Variants in TEX9 observed in about 807,000 individuals in gnomAD.
TEX9 encodes testis expressed 9.
In TEX9, 74 loss-of-function variants were observed where a neutral mutation model predicts 59.6. The observed-to-expected ratio is 1.24, with a 90% CI of 1.03 to 1.51. The LOEUF (loss-of-function observed/expected upper bound fraction) is 1.51. TEX9 is among the 40% of genes most tolerant of loss of function. The probability of loss-of-function intolerance (pLI) is 0.00; values close to 1 mark genes in which losing one functional copy is unlikely to be tolerated. For missense variants in TEX9, 522 were observed against 447.8 expected (o/e 1.17, Z -1.49); for synonymous variants, 186 against 152.2 (o/e 1.22, Z -1.64).
chr15:56,396,430 A>G lies in TEX9; in HGVS notation c.828+1596A>G, dbSNP rs535091100. On this transcript the variant is annotated intron_variant, in intron 9 of 12. Coordinates refer to ENST00000352903, the Ensembl canonical transcript of TEX9. ...ATAGAACAGTTCCATCAGCCCCCCA[A>G]AATTCCCTGTGAATTTAGTGAAGGC... The G allele has an allele frequency of 2.6e-5, 4 of 152,220 alleles. No homozygotes were observed. In the East Asian group the frequency reaches 5.8e-4, roughly 22 times the overall value. 9.4% of individuals were successfully genotyped at this position (152,220 alleles called of 1,614,324 possible).
At chr15:56,308,938 T>C (rs1473390352) in intron 1 of TEX9, among the ~76,000 whole-genome samples, 5 of 152,200 alleles carry the variant, frequency 3.3e-5, no homozygotes, top group African/African-American at 1.2e-4. Flanking sequence ...TACTGCACTA[T>C]CATTAGTGTG....
chr15:56,394,900 T>C (rs1023919919), intron 9 of TEX9, 66 bp downstream of exon 9: 1 of 1,444,924 alleles, frequency 6.9e-7, no homozygotes, highest in Non-Finnish European at 9.4e-7. Context: ...GGTTACACAT[T>C]TGTATAGATG....
At chr15:56,409,150 T>C (rs957647250) in intron 9 of TEX9, among the ~76,000 whole-genome samples, 65 of 151,670 alleles carry the variant, frequency 4.3e-4, no homozygotes, top group African/African-American at 1.5e-3. Flanking sequence ...GAGCCGAGAT[T>C]GCACCACTGC....
chr15:56,250,070 A>T (rs897640366), intron 1 of TEX9, among the ~76,000 whole-genome samples: 12 of 152,168 alleles, frequency 7.9e-5, no homozygotes, highest in African/African-American at 2.4e-5. Context: ...AAGAACTGAG[A>T]TTGGATTTCC....
At chr15:56,339,399 A>AACAAACAAAC (rs1364616084) in intron 1 of TEX9, among the ~76,000 whole-genome samples, 4 of 133,468 alleles carry the variant, frequency 3.0e-5, no homozygotes, top group East Asian at 4.0e-4. Context: ...AAAAAAAAAA[A>AACAAACAAAC]AAAAAAAAAA....
At chr15:56,312,308 A>G (rs2045640963) in intron 1 of TEX9, among the ~76,000 whole-genome samples, 1 of 136,596 alleles carries the variant, frequency 7.3e-6, no homozygotes, top group Non-Finnish European at 1.6e-5. Flanking sequence ...ATCCATCTTG[A>G]ATTAATTTTT....
chr15:56,386,142 A>G (rs1391558377), intron 4 of TEX9, among the ~76,000 whole-genome samples: 2 of 152,100 alleles, frequency 1.3e-5, no homozygotes, highest in East Asian at 3.8e-4. Context: ...TACTAATAGA[A>G]TAACAACATA....
At chr15:56,388,355 A>G (rs2048054182) in intron 4 of TEX9, 117 bp from the exon 5 acceptor site, 1 of 765,498 alleles carries the variant, frequency 1.3e-6, no homozygotes, top group East Asian at 2.6e-5. Flanking sequence ...AACTAGAATT[A>G]TAGCAAAGTC....
At chr15:56,348,995 C>T (rs1217107440) in intron 1 of TEX9, among the ~76,000 whole-genome samples, 1 of 151,886 alleles carries the variant, frequency 6.6e-6, no homozygotes, top group Non-Finnish European at 1.5e-5. Context: ...TAACCATTTC[C>T]TTGTCACCCC....
intron 4 of TEX9, among the ~76,000 whole-genome samples, 198 bp downstream of exon 4, chr15:56,384,229 C>A (rs1370946233): frequency 6.6e-6 from 1 of 152,102 alleles, no homozygotes; most frequent in Non-Finnish European, 1.5e-5. Flanking sequence ...AATGTATATT[C>A]TTGTCCTCAT....
At chr15:56,325,901 T>C (rs1243753409) in intron 1 of TEX9, among the ~76,000 whole-genome samples, 1 of 152,192 alleles carries the variant, frequency 6.6e-6, no homozygotes, top group African/African-American at 2.4e-5. Flanking sequence ...GCATTTACCA[T>C]TTGCACAAGG....
intron 9 of TEX9, chr15:56,408,769 T>C (rs775514640): frequency 6.6e-6 from 1 of 152,260 alleles, no homozygotes; most frequent in Non-Finnish European, 1.5e-5. Flanking sequence ...AATTCTGTCT[T>C]CAAAATACAT....
chr15:56,450,668 G>A (rs375516000), downstream of TEX9, among the ~76,000 whole-genome samples: 8 of 152,102 alleles, frequency 5.3e-5, no homozygotes, highest in East Asian at 1.4e-3. Context: ...GGACATTCAG[G>A]TTGTTTCAAC....
chr15:56,257,947 A>G (rs2044180519), intron 1 of TEX9, among the ~76,000 whole-genome samples: 1 of 152,242 alleles, frequency 6.6e-6, no homozygotes, highest in African/African-American at 2.4e-5. Flanking sequence ...TCTTTAATCC[A>G]TCTTGAGTTG....
chr15:56,459,855 T>G, the TEX9 span, among the ~76,000 whole-genome samples: 4 of 150,074 alleles, frequency 2.7e-5, no homozygotes, highest in African/African-American at 9.8e-5. Flanking sequence ...CTGGGTGTGG[T>G]GGTGCATGCC....
chr15:56,443,035 A>G (rs2050846124), intron 12 of TEX9, among the ~76,000 whole-genome samples: 1 of 152,156 alleles, frequency 6.6e-6, no homozygotes, highest in South Asian at 2.1e-4. Flanking sequence ...GGACTATGAC[A>G]TCTTCTAGAT....
At chr15:56,262,290 G>T (rs537635523) in intron 1 of TEX9, among the ~76,000 whole-genome samples, 1 of 152,320 alleles carries the variant, frequency 6.6e-6, no homozygotes, top group African/African-American at 2.4e-5. Context: ...TCAGTAACCA[G>T]CACACACTGC....
At chr15:56,394,437 T>G in intron 8 of TEX9, 190 bp downstream of exon 8, 1 of 629,858 alleles carries the variant, frequency 1.6e-6, no homozygotes, top group Non-Finnish European at 2.6e-6. Context: ...TCTTAAATTC[T>G]TGCTACAATT....
chr15:56,336,463 T>C (rs2141805611), intron 1 of TEX9, among the ~76,000 whole-genome samples: 1 of 152,262 alleles, frequency 6.6e-6, no homozygotes, highest in East Asian at 1.9e-4. Context: ...AAATTGGTAA[T>C]CTGCAATCCG....
Sources: gnomAD v4.1 joint callset for allele counts (sites outside exome capture counted in the v4.1 genomes callset) on GRCh38, gnomAD v4.1.1 for gene constraint, MANE v1.5 for transcripts, NCBI Gene and HGNC (gene_info 2026-07-23, HGNC 2026-07-21) for gene names.